The following ARHGAP18 variants were observed in gnomAD, a reference collection of about 807,000 sequenced individuals.
ARHGAP18 encodes the protein Rho GTPase activating protein 18.
A neutral mutation model predicts 86.2 loss-of-function variants in ARHGAP18; 67 were observed. The ratio of observed to expected loss-of-function variants is 0.78; its 90% CI spans 0.64 to 0.95. The LOEUF is 0.95. Ranked by LOEUF, ARHGAP18 falls within the 40% of genes least tolerant of loss-of-function variation. The pLI, the probability that ARHGAP18 is intolerant of heterozygous loss-of-function variation, is 0.00. For missense variants in ARHGAP18, 691 were observed against 780.4 expected (o/e 0.89, Z 1.37); for synonymous variants, 283 against 280.4 (o/e 1.01, Z -0.09).
At chr6:129,691,453 T>A (rs948487909) in intron 1 of ARHGAP18, among the ~76,000 whole-genome samples, 1 of 152,232 alleles carries the variant, frequency 6.6e-6, no homozygotes, top group Non-Finnish European at 1.5e-5. Flanking sequence ...AGTTTTTTCC[T>A]AATAAAATTC....
chr6:129,641,837 C>G lies in ARHGAP18; in HGVS notation c.295G>C (p.Val99Leu). Residue 99 changes from valine to leucine, a missense_variant, in exon 2 of 15, where the codon GTT becomes CTT. Val to Leu is a conservative substitution (Grantham distance 32). Coordinates refer to ENST00000368149, the MANE Select transcript of ARHGAP18 (RefSeq NM_033515.3). The stretch of plus-strand genomic sequence containing the variant: ...TTACCATCAGGCTCTTTGACAACAA[C>G]CACCTCTTGATCTTCTTGGCTGTTT... ...SENSQEDQEV[V>L]VVKEPDEGEL... 1 of 1,613,702 alleles carries G rather than the reference C, an allele frequency of 6.2e-7. No homozygotes were observed. The highest frequency in any genetic ancestry group is 8.5e-7 in the Non-Finnish European group (1 of 1,179,838).
chr6:129,630,671 G>C (rs1340015883), intron 4 of ARHGAP18, among the ~76,000 whole-genome samples: 1 of 152,156 alleles, frequency 6.6e-6, no homozygotes, highest in Non-Finnish European at 1.5e-5. Context: ...AAGTAAATAT[G>C]AATCTAGTCT....
chr6:129,681,298 G>A (rs557212677), intron 1 of ARHGAP18, among the ~76,000 whole-genome samples: 45 of 152,210 alleles, frequency 3.0e-4, no homozygotes, highest in African/African-American at 1.1e-3. Flanking sequence ...GGCTCGTCTT[G>A]AACTCCTAAC....
intron 5 of ARHGAP18, among the ~76,000 whole-genome samples, chr6:129,626,130 C>G (rs1229375410): frequency 8.1e-6 from 1 of 122,926 alleles, no homozygotes; most frequent in Non-Finnish European, 1.7e-5. Context: ...AGCCTGGAAA[C>G]AATTCAGATG....
intron 1 of ARHGAP18, among the ~76,000 whole-genome samples, chr6:129,683,912 AGAAAATGGCTTTT>A (rs751182480): frequency 1.3e-5 from 2 of 152,218 alleles, no homozygotes; most frequent in Non-Finnish European, 2.9e-5. Context: ...AACACTTGGG[AGAAAATGGCTTTT>A]GAAAATGTGA....
rs116434883 is a variant in ARHGAP18 at position 129,581,879 on chromosome 6, C to T, written c.1839-1748G>A. On this transcript the variant is annotated intron_variant, in intron 13 of 14. Transcript: ENST00000368149. ...TTTACTCAGAATTTCACTTACTATG[C>T]GGCCCAGACAGACAGTGCTATATGC... Among the ~76,000 whole-genome samples the T allele has an allele frequency of 6.6e-3, 997 of 152,142 alleles. 9 individuals are homozygous for T. Among genetic ancestry groups the T allele is most frequent in the African/African-American group, 0.022 (932 of 41,466 alleles).
rs577070164 is a variant in ARHGAP18 at position 129,608,064 on chromosome 6, GAAAAAA to G, written c.1123-18_1123-13del. On this transcript the variant is annotated splice_polypyrimidine_tract_variant and intron_variant, in intron 8 of 14. Coordinates refer to ENST00000368149, the MANE Select transcript of ARHGAP18 (RefSeq NM_033515.3). ...TCTTGGCAAAGATTCTGATAGGCAC[GAAAAAA>G]AAAAAAAAAAAAAAAAGAAGCAGCT... is the stretch of plus-strand genomic sequence containing the variant. 3,448 of 978,922 alleles carry G rather than the reference GAAAAAA, an allele frequency of 3.5e-3. No homozygotes were observed. The highest frequency in any genetic ancestry group is 0.012 in the East Asian group (251 of 21,382). 60.6% of individuals were successfully genotyped at this position (978,922 alleles called of 1,614,324 possible). A position where few individuals can be genotyped will look rare whatever the true frequency, so the allele number is the denominator to read the frequency against.
intron 1 of ARHGAP18, among the ~76,000 whole-genome samples, chr6:129,667,467 A>ATGTGTGTG (rs1219093894): frequency 6.3e-5 from 6 of 95,786 alleles, no homozygotes; most frequent in African/African-American, 1.2e-4. Flanking sequence ...AGAAAAATAT[A>ATGTGTGTG]TATGTGTGTG....
chr6:129,580,428 A>C (rs944968628), intron 13 of ARHGAP18, among the ~76,000 whole-genome samples: 2 of 152,234 alleles, frequency 1.3e-5, no homozygotes, highest in African/African-American at 4.8e-5. Flanking sequence ...GCTGCCAATC[A>C]AATTATTAAT....
intron 12 of ARHGAP18, among the ~76,000 whole-genome samples, chr6:129,598,363 G>A (rs1381448230): frequency 1.3e-5 from 2 of 152,118 alleles, no homozygotes; most frequent in East Asian, 3.8e-4. Flanking sequence ...ATGATTACTG[G>A]ATCCATAAGC....
rs143214628 is a variant in ARHGAP18, at chr6:129,652,935, T to G, written c.114-10917A>C. Among the ~76,000 whole-genome samples, 1,143 of 152,356 alleles carry G rather than the reference T, an allele frequency of 7.5e-3. 18 individuals are homozygous for G. The highest frequency in any genetic ancestry group is 0.026 in the African/African-American group (1,075 of 41,578). ...TTTTCCTTATTTCCTATAGCAAATA[T>G]ATTGCCCTTCAGTAGGACTTTCATA... On this transcript the variant is annotated intron_variant, in intron 1 of 14. Coordinates refer to ENST00000368149, the MANE Select transcript of ARHGAP18 (RefSeq NM_033515.3).
intron 7 of ARHGAP18, among the ~76,000 whole-genome samples, chr6:129,612,456 C>T (rs1326996360): frequency 2.0e-5 from 3 of 152,200 alleles, no homozygotes; most frequent in Non-Finnish European, 2.9e-5. Flanking sequence ...TTCACAATTG[C>T]CTTCCCTGCT....
At chr6:129,584,248 G>T in intron 12 of ARHGAP18, 136 bp from the exon 13 acceptor site, 1 of 1,230,968 alleles carries the variant, frequency 8.1e-7, no homozygotes, top group Non-Finnish European at 1.1e-6. Flanking sequence ...ACTGTATAAT[G>T]TAATTTGCAA....
chr6:129,675,586 G>C (rs1180797184), intron 1 of ARHGAP18, among the ~76,000 whole-genome samples: 2 of 152,026 alleles, frequency 1.3e-5, no homozygotes, highest in Non-Finnish European at 2.9e-5. Context: ...AAAAAAGATG[G>C]ATACTTCTCT....
At position 129,707,058 on chromosome 6, in the gene ARHGAP18, C is replaced by T. The variant is rs578084007; in HGVS notation, c.113+2966G>A. Reference sequence around the variant, plus strand: ...CCTGACCAACATGGAGAAACCCCGACTCCACTAAAAAAAAAAAATACAAAA... The same window carrying T: ...CCTGACCAACATGGAGAAACCCCGATTCCACTAAAAAAAAAAAATACAAAA... On this transcript the variant is annotated intron_variant, in intron 1 of 14. Coordinates refer to ENST00000368149, the MANE Select transcript of ARHGAP18 (RefSeq NM_033515.3). Among the ~76,000 whole-genome samples the T allele has an allele frequency of 7.1e-4, 107 of 151,160 alleles. 1 individual carries two copies. The highest frequency in any genetic ancestry group is 3.7e-3 in the Admixed American group (57 of 15,204).
chr6:129,661,924 C>A (rs1413804878), intron 1 of ARHGAP18: 29 of 985,208 alleles, frequency 2.9e-5, no homozygotes, highest in Non-Finnish European at 3.5e-5. Flanking sequence ...AAGCAGTCAT[C>A]TGTGTCCTCT....
At chr6:129,703,235 T>C (rs1330942199) in intron 1 of ARHGAP18, among the ~76,000 whole-genome samples, 1 of 152,202 alleles carries the variant, frequency 6.6e-6, no homozygotes, top group African/African-American at 2.4e-5. Flanking sequence ...AGTCCAATTA[T>C]CAAAAACGAG....
In ARHGAP18 at chr6:129,710,091, G is replaced by T. The variant is rs764162238; in HGVS notation, c.46C>A (p.His16Asn). ...SSQGVVLTAY[H>N]PSGKDQTVGN... Reference sequence around the variant, plus strand: ...ACGGTCTGGTCCTTGCCGCTGGGGTGGTAGGCTGTTAGTACCACTCCCTGG... The same window carrying T: ...ACGGTCTGGTCCTTGCCGCTGGGGTTGTAGGCTGTTAGTACCACTCCCTGG... Residue 16 changes from histidine (H) to asparagine (N), a missense_variant, in exon 1 of 15, where the codon CAC (histidine) becomes AAC (asparagine). Transcript: ENST00000368149. The T allele has an allele frequency of 5.6e-6, 9 of 1,614,086 alleles. No individual in the cohort carries two copies. The South Asian group carries it at 9.9e-5, about 18-fold the overall frequency.
intron 5 of ARHGAP18, among the ~76,000 whole-genome samples, chr6:129,622,225 C>A (rs1161241442): frequency 2.6e-5 from 4 of 152,180 alleles, no homozygotes; most frequent in African/African-American, 9.7e-5. Flanking sequence ...GTGATTTCTA[C>A]TGAGTTTTCC....
Sources: allele counts gnomAD v4.1 joint callset (sites outside exome capture counted in the v4.1 genomes callset), GRCh38; gene constraint gnomAD v4.1.1; transcripts MANE v1.5; gene names NCBI Gene and HGNC (gene_info 2026-07-23, HGNC 2026-07-21).